ACSM1: variants seen among roughly 807,000 people sequenced by gnomAD.
The protein encoded by ACSM1 is acyl-coenzyme A synthetase ACSM1, mitochondrial.
In ACSM1, 79 loss-of-function variants were observed where a neutral mutation model predicts 75.8. The ratio of observed to expected loss-of-function variants is 1.04; its 90% CI spans 0.87 to 1.26. The LOEUF (loss-of-function observed/expected upper bound fraction) is 1.26. Among genes scored for constraint, ACSM1 ranks in the 50% most tolerant of loss-of-function variants. The pLI, the probability that ACSM1 is intolerant of heterozygous loss-of-function variation, is 0.00. For missense variants in ACSM1, 676 were observed against 720.1 expected (o/e 0.94, Z 0.70); for synonymous variants, 279 against 265.8 (o/e 1.05, Z -0.48).
rs1254303827 is a variant in ACSM1 at position 20,662,078 on chromosome 16, T to C, written c.913-205A>G. On this transcript the variant is annotated intron_variant, in intron 6 of 13. Coordinates refer to ENST00000520010, the MANE Select transcript of ACSM1 (RefSeq NM_001318890.3). ...GGAAATACAAAAACGCAGATAACGT[T>C]CCAACTCCTATGGTGAGTAGCCACT... Among the ~76,000 whole-genome samples the C allele has an allele frequency of 2.6e-5, 4 of 152,284 alleles. No homozygotes were observed. In the East Asian group the frequency reaches 7.7e-4, roughly 29 times the overall value.
At chr16:20,656,713 T>G (rs76224151) in intron 7 of ACSM1, among the ~76,000 whole-genome samples, 6,729 of 152,208 alleles carry the variant, frequency 0.044, 226 homozygotes, top group Non-Finnish European at 0.069. Context: ...CATATGAAAC[T>G]CATTTGACAT....
chr16:20,654,779 A>T (rs1261793210), intron 7 of ACSM1, among the ~76,000 whole-genome samples: 1 of 152,198 alleles, frequency 6.6e-6, no homozygotes, highest in Non-Finnish European at 1.5e-5. Flanking sequence ...GAGAAATAGG[A>T]ACACTTTTAC....
intron 2 of ACSM1, among the ~76,000 whole-genome samples, chr16:20,687,847 G>T (rs1175221792): frequency 6.6e-6 from 1 of 152,140 alleles, no homozygotes; most frequent in Non-Finnish European, 1.5e-5. Flanking sequence ...ACTTTGGGAG[G>T]CCGAGGCTAC....
chr16:20,625,644 C>T, intron 11 of ACSM1, 122 bp from the exon 12 acceptor site: 1 of 806,442 alleles, frequency 1.2e-6, no homozygotes, highest in Non-Finnish European at 2.0e-6. Context: ...AAGCCAGGGA[C>T]CCCTGACTTG....
At chr16:20,650,445 C>T (rs967623508) in intron 7 of ACSM1, among the ~76,000 whole-genome samples, 1 of 152,020 alleles carries the variant, frequency 6.6e-6, no homozygotes, top group African/African-American at 2.4e-5. Context: ...AAATCCCCAA[C>T]AAAAATTAAT....
In ACSM1 at chr16:20,648,014, C is replaced by T. The variant is rs1390652383; in HGVS notation, c.993-7430G>A. On this transcript the variant is annotated intron_variant, in intron 7 of 13. Coordinates refer to ENST00000520010, the MANE Select transcript of ACSM1 (RefSeq NM_001318890.3). This position sits in a 1 kb window ranked among gnomAD's most constrained non-coding sequence, Gnocchi z 4.2. ...CAATAAATAGCATGGGCTCCCAGAGCTCAGGAACTTTGCAGCCTCCACAGT... is the reference window on the plus strand; with the variant it reads ...CAATAAATAGCATGGGCTCCCAGAGTTCAGGAACTTTGCAGCCTCCACAGT... 1.3e-5 allele frequency among the ~76,000 whole-genome samples: 2 copies of T among 152,192 alleles called. No individual in the cohort carries two copies. Among genetic ancestry groups the T allele is most frequent in the Non-Finnish European group, 1.5e-5 (1 of 68,026 alleles).
chr16:20,639,502 T>C (rs1483320710), intron 8 of ACSM1, among the ~76,000 whole-genome samples: 1 of 152,192 alleles, frequency 6.6e-6, no homozygotes, highest in African/African-American at 2.4e-5. Flanking sequence ...GAGAGTCTCC[T>C]ATCCCACCCA....
rs187373777 is a variant in ACSM1, at chr16:20,643,945, G to A, written c.993-3361C>T. Among the ~76,000 whole-genome samples the A allele has an allele frequency of 2.7e-3, 415 of 152,232 alleles. 2 individuals carry two copies. In the South Asian group the frequency reaches 0.029, roughly 11 times the overall value. On this transcript the variant is annotated intron_variant, in intron 7 of 13. Transcript: ENST00000520010. ...ACTGATTGGTGCATTTTTACAGAGT[G>A]CTGATTGGTGCTTTGACAATCTTTT...
intron 4 of ACSM1, among the ~76,000 whole-genome samples, chr16:20,672,448 CAAAA>C (rs528742963): frequency 2.7e-4 from 6 of 21,932 alleles, no homozygotes; most frequent in African/African-American, 1.6e-3. Flanking sequence ...AACTCCATCT[CAAAA>C]AAAAAAAAAA....
intron 10 of ACSM1, among the ~76,000 whole-genome samples, chr16:20,633,670 G>C (rs1470499384): frequency 6.6e-6 from 1 of 152,094 alleles, no homozygotes; most frequent in Admixed American, 6.5e-5. Flanking sequence ...TGCAGAACTA[G>C]AAATACCTAT....
At chr16:20,624,360 G>T in intron 12 of ACSM1, 145 bp from the exon 13 acceptor site, 1 of 987,872 alleles carries the variant, frequency 1.0e-6, no homozygotes, top group Non-Finnish European at 1.4e-6. Flanking sequence ...GTAAATCCCT[G>T]TGTTTCCAAT....
intron 2 of ACSM1, among the ~76,000 whole-genome samples, chr16:20,688,050 G>A (rs930803044): frequency 1.7e-4 from 26 of 150,406 alleles, no homozygotes; most frequent in Admixed American, 4.6e-4. Context: ...GTGCCACTGC[G>A]CTCCAGCCTG....
rs1039676862 is a variant in ACSM1, at chr16:20,691,241, T to C, written c.-51-2A>G. The C allele has an allele frequency of 6.9e-6, 10 of 1,441,004 alleles. No individual in the cohort carries two copies. The African/African-American group carries it at 1.5e-4, about 21-fold the overall frequency. 89.3% of individuals were successfully genotyped at this position (1,441,004 alleles called of 1,614,324 possible). Reference sequence around the variant, plus strand: ...CAGAGTTCTCAAGTCACCACCTGCCTTGGGAAGAGATGGCTAATAGATTGG... The same window carrying C: ...CAGAGTTCTCAAGTCACCACCTGCCCTGGGAAGAGATGGCTAATAGATTGG... On this transcript the variant is annotated splice_acceptor_variant, in intron 1 of 13. Coordinates refer to ENST00000520010, the MANE Select transcript of ACSM1 (RefSeq NM_001318890.3). LOFTEE classifies it low-confidence loss of function (5UTR_SPLICE).
chr16:20,659,141 A>G (rs1322117428), intron 7 of ACSM1, among the ~76,000 whole-genome samples: 1 of 152,120 alleles, frequency 6.6e-6, no homozygotes, highest in African/African-American at 2.4e-5. Flanking sequence ...TTTTTTGTAA[A>G]AGACTAAACC....
chr16:20,696,460 C>T (rs2079690300), intron 1 of ACSM1, among the ~76,000 whole-genome samples: 2 of 152,162 alleles, frequency 1.3e-5, no homozygotes, highest in Non-Finnish European at 2.9e-5. Flanking sequence ...TGATGAAAGT[C>T]AGAAAGAGAA....
Position 20,648,294 on chromosome 16 carries a change from T to G in ACSM1, c.993-7710A>C, listed in dbSNP as rs1311921987. On this transcript the variant is annotated intron_variant, in intron 7 of 13. Coordinates refer to ENST00000520010, the MANE Select transcript of ACSM1 (RefSeq NM_001318890.3). The surrounding 1 kb of genome is among the most constrained non-coding windows in gnomAD (Gnocchi z 4.2). ...AGCTTTGCTAGCTAATATTCTTCTT[T>G]TCTCTCTCTCTTAACCTTTCTTGCC... Among the ~76,000 whole-genome samples, 1 of 152,184 alleles carries G rather than the reference T, an allele frequency of 6.6e-6. No individual in the cohort carries two copies. Among genetic ancestry groups the G allele is most frequent in the African/African-American group, 2.4e-5 (1 of 41,444 alleles).
intron 1 of ACSM1, among the ~76,000 whole-genome samples, chr16:20,692,291 T>C (rs2079661549): frequency 6.6e-6 from 1 of 152,200 alleles, no homozygotes; most frequent in African/African-American, 2.4e-5. Context: ...TTTTATATAC[T>C]TTAGGAAGGC....
At chr16:20,659,747 C>T (rs2019197308) in intron 7 of ACSM1, among the ~76,000 whole-genome samples, 3 of 152,022 alleles carry the variant, frequency 2.0e-5, no homozygotes, top group South Asian at 4.2e-4. Context: ...CTTTTAAGTC[C>T]GATAAGACAC....
intron 7 of ACSM1, among the ~76,000 whole-genome samples, chr16:20,660,143 CT>C (rs1346498561): frequency 6.6e-6 from 1 of 152,198 alleles, no homozygotes; most frequent in African/African-American, 2.4e-5. Flanking sequence ...CAGAGTTTCA[CT>C]TTTTTCATCA....
Sources: gnomAD v4.1 joint callset for allele counts (sites outside exome capture counted in the v4.1 genomes callset) on GRCh38, gnomAD v4.1.1 for gene constraint, Gnocchi (gnomAD v3.1) non-coding constraint, MANE v1.5 for transcripts, NCBI Gene and HGNC (gene_info 2026-07-23, HGNC 2026-07-21) for gene names.